PRDM5: variants seen among roughly 807,000 people sequenced by gnomAD.
The protein encoded by PRDM5 is PR domain zinc finger protein 5.
PRDM5 carries 56 observed loss-of-function variants against 81.2 expected under a neutral mutation model. The ratio of observed to expected loss-of-function variants is 0.69; its 90% confidence interval spans 0.56 to 0.86. PRDM5 has a LOEUF of 0.86. Ranked by LOEUF, PRDM5 falls within the 40% of genes least tolerant of loss-of-function variation. PRDM5 has a pLI of 0.00. For missense variants in PRDM5, 697 were observed against 770.1 expected (o/e 0.91, Z 1.12); for synonymous variants, 267 against 256.4 (o/e 1.04, Z -0.39).
intron 1 of PRDM5, among the ~76,000 whole-genome samples, chr4:120,915,477 G>GAA (rs1724027513): frequency 6.6e-6 from 1 of 150,600 alleles, no homozygotes; most frequent in South Asian, 2.1e-4. Context: ...GGAGAACAAA[G>GAA]AGACTTCCTC....
intron 14 of PRDM5, among the ~76,000 whole-genome samples, chr4:120,748,342 G>A (rs1382396238): frequency 6.6e-6 from 1 of 152,162 alleles, no homozygotes; most frequent in Non-Finnish European, 1.5e-5. Context: ...AAGCTACAAT[G>A]TGAAAACTAA....
chr4:120,689,512 G>T (rs144896421), downstream of PRDM5, among the ~76,000 whole-genome samples: 1,838 of 152,046 alleles, frequency 0.012, 36 homozygotes, highest in African/African-American at 0.042. Context: ...TTAGAAGTAA[G>T]GTCTAGAGAA....
intron 3 of PRDM5, chr4:120,838,679 C>G (rs1757641811): frequency 6.5e-6 from 1 of 152,836 alleles, no homozygotes; most frequent in South Asian, 2.1e-4. Context: ...CTGGCATGCA[C>G]AGTTTACAAC....
At chr4:120,859,904 C>T (rs750378691) in intron 2 of PRDM5, among the ~76,000 whole-genome samples, 15 of 152,176 alleles carry the variant, frequency 9.9e-5, no homozygotes, top group Non-Finnish European at 2.1e-4. Flanking sequence ...GGGTTATCCT[C>T]ATGGGTGCAC....
chr4:120,862,749 T>A (rs1004198275), intron 2 of PRDM5, among the ~76,000 whole-genome samples: 1 of 152,150 alleles, frequency 6.6e-6, no homozygotes, highest in African/African-American at 2.4e-5. Flanking sequence ...TTTTGGTATA[T>A]CCTAGGGAGA....
intron 3 of PRDM5, among the ~76,000 whole-genome samples, chr4:120,843,680 G>A (rs1218775653): frequency 1.2e-4 from 17 of 147,516 alleles, no homozygotes; most frequent in African/African-American, 3.3e-4. Context: ...AATGAGATCC[G>A]GCCTTAAAAA....
chr4:120,848,896 T>C (rs943137089), intron 3 of PRDM5, among the ~76,000 whole-genome samples: 1 of 152,128 alleles, frequency 6.6e-6, no homozygotes, highest in Non-Finnish European at 1.5e-5. Context: ...TATTAAAAGA[T>C]AGATCTGTAA....
intron 13 of PRDM5, among the ~76,000 whole-genome samples, chr4:120,757,893 T>C (rs918578209): frequency 2.0e-5 from 3 of 151,706 alleles, no homozygotes; most frequent in African/African-American, 7.3e-5. Context: ...CTCCTTCTTC[T>C]TCTTCTTCTG....
chr4:120,795,652 C>T (rs1221515010), intron 10 of PRDM5, among the ~76,000 whole-genome samples: 1 of 151,710 alleles, frequency 6.6e-6, no homozygotes, highest in Non-Finnish European at 1.5e-5. Flanking sequence ...GTGTCTCTCA[C>T]CTGTAATCCC....
At chr4:120,712,060 C>A (rs191713479) in intron 14 of PRDM5, among the ~76,000 whole-genome samples, 1 of 151,818 alleles carries the variant, frequency 6.6e-6, no homozygotes, top group African/African-American at 2.4e-5. Flanking sequence ...CCAAGGCGGA[C>A]GAATTATCTG....
intron 7 of PRDM5, among the ~76,000 whole-genome samples, chr4:120,811,909 A>G (rs1191243263): frequency 1.3e-5 from 2 of 152,088 alleles, no homozygotes; most frequent in Non-Finnish European, 2.9e-5. Flanking sequence ...TTATTTTTAA[A>G]TATACAATAA....
intron 15 of PRDM5, among the ~76,000 whole-genome samples, chr4:120,697,259 T>C (rs960603737): frequency 1.3e-5 from 2 of 152,104 alleles, no homozygotes; most frequent in Non-Finnish European, 2.9e-5. Flanking sequence ...ATGAGGCTGA[T>C]AGAGTGTAAT....
chr4:120,731,546 T>C lies in PRDM5; in HGVS notation c.1624-21133A>G, dbSNP rs535522653. The stretch of plus-strand genomic sequence containing the variant: ...TGCTTTATATTTATTCCCTTGTTTT[T>C]AGTAACAGAAAGTAATTCTATTTAG... On this transcript the variant is annotated intron_variant, in intron 14 of 15. Coordinates refer to ENST00000264808, the MANE Select transcript of PRDM5 (RefSeq NM_018699.4). The C allele has an allele frequency of 2.7e-5, 4 of 150,804 alleles. No homozygotes were observed. In the South Asian group the frequency reaches 8.7e-4, roughly 33 times the overall value. 9.3% of individuals were successfully genotyped at this position (150,804 alleles called of 1,614,324 possible).
intron 8 of PRDM5, among the ~76,000 whole-genome samples, chr4:120,806,787 G>A (rs184194982): frequency 1.3e-5 from 2 of 152,126 alleles, no homozygotes; most frequent in African/African-American, 4.8e-5. Context: ...ACATAGGCAT[G>A]GGCAAGGACT....
At position 120,904,203 on chromosome 4, in the gene PRDM5, AAAC is replaced by A. The variant is rs1325259661; in HGVS notation, c.177+3268_177+3270del. Among the ~76,000 whole-genome samples the A allele has an allele frequency of 9.8e-5, 14 of 142,880 alleles. 1 individual carries two copies. The highest frequency in any genetic ancestry group is 8.0e-4 in the East Asian group (4 of 5,028). 93.7% of individuals were successfully genotyped at this position (142,880 alleles called of 152,430 possible). ...AGACTCCTTCTCAAAAAAAAAAAAA[AAAC>A]AAAAAAACCTCCTTCCTTTATAAAT... On this transcript the variant is annotated intron_variant, in intron 2 of 15. Coordinates refer to ENST00000264808, the MANE Select transcript of PRDM5 (RefSeq NM_018699.4).
At chr4:120,775,952 T>A (rs959566113) in intron 13 of PRDM5, among the ~76,000 whole-genome samples, 1 of 152,140 alleles carries the variant, frequency 6.6e-6, no homozygotes, top group Admixed American at 6.6e-5. Flanking sequence ...CTTACTTATG[T>A]ACCATCAGTA....
At chr4:120,738,681 A>G (rs1741466844) in intron 14 of PRDM5, among the ~76,000 whole-genome samples, 1 of 152,194 alleles carries the variant, frequency 6.6e-6, no homozygotes, top group African/African-American at 2.4e-5. Flanking sequence ...GAGATACAAC[A>G]GCTAACTTCT....
intron 14 of PRDM5, among the ~76,000 whole-genome samples, chr4:120,723,364 A>G (rs755154295): frequency 3.3e-5 from 5 of 152,222 alleles, no homozygotes; most frequent in Non-Finnish European, 5.9e-5. Flanking sequence ...TGTCCTTTGT[A>G]ATCCTTGAAA....
At chr4:120,776,064 GCT>G (rs1748111654) in intron 13 of PRDM5, among the ~76,000 whole-genome samples, 1 of 152,012 alleles carries the variant, frequency 6.6e-6, no homozygotes, top group Non-Finnish European at 1.5e-5. Flanking sequence ...TCATTTTGGG[GCT>G]CTCTGCTTCT....
Sources: gnomAD v4.1 joint callset for allele counts (sites outside exome capture counted in the v4.1 genomes callset) on GRCh38, gnomAD v4.1.1 for gene constraint, MANE v1.5 for transcripts, NCBI Gene and HGNC (gene_info 2026-07-23, HGNC 2026-07-21) for gene names.